The following CXCL13 variants were observed in gnomAD, a reference collection of about 807,000 sequenced individuals.
The protein encoded by CXCL13 is C-X-C motif chemokine 13.
Under a neutral mutation model 12.2 loss-of-function variants are expected in CXCL13, and 7 were observed. The observed-to-expected ratio is 0.57, with a 90% CI of 0.33 to 1.07. The LOEUF (loss-of-function observed/expected upper bound fraction) is 1.07, where lower values mean the gene tolerates loss of function less well. CXCL13 is among the 50% of genes least tolerant of loss of function. The pLI, the probability that CXCL13 is intolerant of heterozygous loss-of-function variation, is 0.04. For missense variants in CXCL13, 113 were observed against 127.4 expected (o/e 0.89, Z 0.55); for synonymous variants, 47 against 42.4 (o/e 1.11, Z -0.42).
At chr4:77,589,462 A>G (rs1433989846) in intron 1 of CXCL13, among the ~76,000 whole-genome samples, 6 of 152,088 alleles carry the variant, frequency 3.9e-5, no homozygotes, top group African/African-American at 1.2e-4. Context: ...TGATGCTGGC[A>G]TATTGTTATA....
At chr4:77,571,474 C>T (rs1367232263) in intron 1 of CXCL13, among the ~76,000 whole-genome samples, 1 of 151,720 alleles carries the variant, frequency 6.6e-6, no homozygotes, top group East Asian at 1.9e-4. Context: ...AATCAGCACC[C>T]TGTGTTTAGC....
At chr4:77,555,990 C>G (rs1275953817) in intron 1 of CXCL13, among the ~76,000 whole-genome samples, 1 of 152,172 alleles carries the variant, frequency 6.6e-6, no homozygotes, top group Admixed American at 6.5e-5. Context: ...CACTGAAACT[C>G]TCTCATATAT....
At chr4:77,518,394 CA>C (rs1202469480) in intron 1 of CXCL13, among the ~76,000 whole-genome samples, 3 of 152,164 alleles carry the variant, frequency 2.0e-5, no homozygotes, top group African/African-American at 7.2e-5. Flanking sequence ...GAGTGTTTTC[CA>C]ACTTGGTTCC....
intron 1 of CXCL13, among the ~76,000 whole-genome samples, chr4:77,538,026 C>G (rs1017653105): frequency 1.1e-4 from 16 of 152,166 alleles, no homozygotes; most frequent in Non-Finnish European, 2.1e-4. Context: ...AATCTGAGAA[C>G]ACAGACAACA....
rs563179857 is a variant in CXCL13, at chr4:77,528,219, A to C, written c.-43+16431A>C. Among the ~76,000 whole-genome samples the C allele has an allele frequency of 7.2e-5, 11 of 152,338 alleles. No homozygotes were observed. The South Asian group carries it at 2.3e-3, about 32-fold the overall frequency. ...TTTGTTCCAAGTCTTTGCTATTGTG[A>C]ATAGTGCCGCAATAAACATATGTGT... On this transcript the variant is annotated intron_variant, in intron 1 of 4. Coordinates refer to the CXCL13 transcript ENST00000286758.
chr4:77,541,426 A>G (rs1412144408), intron 1 of CXCL13, among the ~76,000 whole-genome samples: 1 of 151,944 alleles, frequency 6.6e-6, no homozygotes, highest in Non-Finnish European at 1.5e-5. Context: ...TTTCTTATGC[A>G]TATGGCTAGC....
At chr4:77,534,184 A>C (rs1725001016) in intron 1 of CXCL13, among the ~76,000 whole-genome samples, 1 of 150,918 alleles carries the variant, frequency 6.6e-6, no homozygotes, top group South Asian at 2.1e-4. Context: ...TCCACCTGGC[A>C]GTTTCTTAAA....
At chr4:77,567,385 C>T (rs769903110) in intron 1 of CXCL13, among the ~76,000 whole-genome samples, 2 of 152,234 alleles carry the variant, frequency 1.3e-5, no homozygotes, top group Non-Finnish European at 2.9e-5. Context: ...GATTCCAAGA[C>T]ATGTCCCAAA....
rs533080025 is a variant in CXCL13 at position 77,545,401 on chromosome 4, A to T, written c.-43+33613A>T. 4.5e-3 allele frequency among the ~76,000 whole-genome samples: 678 copies of T among 151,966 alleles called. 17 individuals carry two copies. Among genetic ancestry groups the T allele is most frequent in the East Asian group, 0.026 (137 of 5,188 alleles). On this transcript the variant is annotated intron_variant, in intron 1 of 4. Coordinates refer to the CXCL13 transcript ENST00000286758. ...TGAGCATGGAATGTTCTTCCATTTG[A>T]TTGTGTCCTCTTTTATTTCCTTGAG...
At position 77,556,164 on chromosome 4, in the gene CXCL13, G is replaced by A. The variant is rs72861928; in HGVS notation, c.-43+44376G>A. On this transcript the variant is annotated intron_variant, in intron 1 of 4. Transcript: ENST00000286758. Reference sequence around the variant, plus strand: ...GACTTATACACAAATGCTCATAGTAGCTTTATTCATAATATCCTAAAACTA... The same window carrying A: ...GACTTATACACAAATGCTCATAGTAACTTTATTCATAATATCCTAAAACTA... Among the ~76,000 whole-genome samples the A allele has an allele frequency of 1.9e-3, 286 of 152,262 alleles. 2 individuals are homozygous for A. Among genetic ancestry groups the A allele is most frequent in the African/African-American group, 6.4e-3 (267 of 41,540 alleles).
At chr4:77,571,936 A>C (rs1352950737) in intron 1 of CXCL13, among the ~76,000 whole-genome samples, 11 of 151,756 alleles carry the variant, frequency 7.2e-5, no homozygotes, top group African/African-American at 2.7e-4. Flanking sequence ...GTGCTGCCTT[A>C]AGAGCTGTAA....
chr4:77,580,161 G>A (rs1726285091), intron 1 of CXCL13, among the ~76,000 whole-genome samples: 1 of 151,930 alleles, frequency 6.6e-6, no homozygotes, highest in South Asian at 2.1e-4. Context: ...CATTATTTGA[G>A]TGATAGATAC....
chr4:77,606,268 T>A (rs1727002141), intron 1 of CXCL13, among the ~76,000 whole-genome samples: 1 of 152,228 alleles, frequency 6.6e-6, no homozygotes, highest in Admixed American at 6.5e-5. Context: ...TTACCCACTC[T>A]GACCAAACCC....
At chr4:77,530,224 G>C (rs1226163810) in intron 1 of CXCL13, among the ~76,000 whole-genome samples, 1 of 152,144 alleles carries the variant, frequency 6.6e-6, no homozygotes, top group Non-Finnish European at 1.5e-5. Context: ...CAGGGATATT[G>C]GTCTAAAATT....
At chr4:77,591,366 A>G (rs1279159903) in intron 1 of CXCL13, among the ~76,000 whole-genome samples, 1 of 151,726 alleles carries the variant, frequency 6.6e-6, no homozygotes, top group Non-Finnish European at 1.5e-5. Context: ...CTGGCTAACA[A>G]GGTGAAACCC....
At chr4:77,514,909 A>G (rs1455507803) in intron 1 of CXCL13, among the ~76,000 whole-genome samples, 2 of 152,172 alleles carry the variant, frequency 1.3e-5, no homozygotes, top group South Asian at 2.1e-4. Context: ...GGTAATGTCT[A>G]GGTTTTCTTC....
rs149913850 is a variant in CXCL13, at chr4:77,518,905, T to A, written c.-43+7117T>A. ...GTTTCCAGTGTTTCTGCTCTGTTTTTTCCCCATCTTTGTGGTTTTATCTAG... is the reference window on the plus strand; with the variant it reads ...GTTTCCAGTGTTTCTGCTCTGTTTTATCCCCATCTTTGTGGTTTTATCTAG... On this transcript the variant is annotated intron_variant, in intron 1 of 4. Transcript: ENST00000286758. 4.4e-3 allele frequency among the ~76,000 whole-genome samples: 667 copies of A among 152,338 alleles called. 18 individuals are homozygous for A. The highest frequency in any genetic ancestry group is 0.026 in the East Asian group (137 of 5,188).
At chr4:77,591,557 A>C (rs1726612036) in intron 1 of CXCL13, among the ~76,000 whole-genome samples, 1 of 151,546 alleles carries the variant, frequency 6.6e-6, no homozygotes, top group African/African-American at 2.4e-5. Context: ...TCTCAAAAAA[A>C]AAAAAAAAAA....
intron 1 of CXCL13, among the ~76,000 whole-genome samples, chr4:77,533,582 T>G (rs1484650584): frequency 6.6e-6 from 1 of 152,122 alleles, no homozygotes; most frequent in Non-Finnish European, 1.5e-5. Flanking sequence ...GACATTTAAG[T>G]CTGTAGAGGA....
Sources: allele counts gnomAD v4.1 joint callset (sites outside exome capture counted in the v4.1 genomes callset), GRCh38; gene constraint gnomAD v4.1.1; transcripts MANE v1.5; gene names NCBI Gene and HGNC (gene_info 2026-07-23, HGNC 2026-07-21).